COPS5: variants seen among roughly 807,000 people sequenced by gnomAD.
The protein encoded by COPS5 is COP9 signalosome complex subunit 5.
In COPS5, 8 loss-of-function variants were observed where a neutral mutation model predicts 44.4. That is an observed-to-expected ratio of 0.18 (90% CI 0.11 to 0.32). COPS5 has a LOEUF of 0.32. Among genes scored for constraint, COPS5 ranks in the 10% least tolerant of loss-of-function variants. COPS5 has a pLI of 1.00. For synonymous variants in COPS5, 122 were observed against 142.8 expected (o/e 0.85, Z 1.04); for missense variants, 159 against 406.4 (o/e 0.39, Z 5.23).
chr8:67,045,708 T>C, intron 7 of COPS5, 104 bp downstream of exon 7: 2 of 1,135,824 alleles, frequency 1.8e-6, no homozygotes, highest in African/African-American at 1.5e-5. Context: ...CCATTCTAAG[T>C]TGTAACTAAC....
chr8:67,059,504 G>T, intron 1 of COPS5, 59 bp from the exon 2 acceptor site: 1 of 1,281,836 alleles, frequency 7.8e-7, no homozygotes, highest in Non-Finnish European at 1.1e-6. Flanking sequence ...TTTCAGAAAA[G>T]TTTTTATGAA....
intron 6 of COPS5, among the ~76,000 whole-genome samples, chr8:67,049,131 TC>T (rs1413169052): frequency 1.3e-5 from 2 of 152,204 alleles, no homozygotes. Flanking sequence ...GTGATTTACT[TC>T]AGTCTACATA....
intron 5 of COPS5, 68 bp downstream of exon 5, chr8:67,056,451 T>C: frequency 1.9e-6 from 1 of 522,812 alleles, no homozygotes; most frequent in South Asian, 2.0e-5. Flanking sequence ...CACTGTGGCT[T>C]CCCAAAGTGC....
At chr8:67,060,495 A>G in intron 1 of COPS5, 1 of 1,289,622 alleles carries the variant, frequency 7.8e-7, no homozygotes, top group Non-Finnish European at 1.0e-6. Flanking sequence ...AAATGTGTAG[A>G]CCTCATGTTG....
At chr8:67,053,968 T>G (rs896214107) in intron 5 of COPS5, among the ~76,000 whole-genome samples, 1 of 147,636 alleles carries the variant, frequency 6.8e-6, no homozygotes, top group African/African-American at 2.5e-5. Flanking sequence ...ATCACACCAC[T>G]GCACTCCAGC....
At chr8:67,060,292 A>G (rs1585717509) in intron 1 of COPS5, 1 of 1,125,500 alleles carries the variant, frequency 8.9e-7, no homozygotes, top group East Asian at 6.3e-5. Flanking sequence ...GCAGGCCAAC[A>G]GTTTCCAAAT....
intron 5 of COPS5, among the ~76,000 whole-genome samples, chr8:67,052,820 T>TAA (rs750238033): frequency 2.6e-5 from 3 of 114,086 alleles, no homozygotes; most frequent in African/African-American, 3.3e-5. Flanking sequence ...GACTCTGTCT[T>TAA]AAAAAAAAAA....
intron 6 of COPS5, among the ~76,000 whole-genome samples, chr8:67,049,097 C>T (rs909514542): frequency 6.6e-6 from 1 of 152,148 alleles, no homozygotes; most frequent in Non-Finnish European, 1.5e-5. Context: ...CAATGAGCAG[C>T]TTCATGTTGA....
intron 5 of COPS5, 42 bp downstream of exon 5, chr8:67,056,477 G>A (rs200261585): frequency 2.8e-6 from 2 of 715,074 alleles, no homozygotes; most frequent in Non-Finnish European, 2.4e-6. Context: ...TTATAGGTGT[G>A]AGTCACCGTG....
At chr8:67,056,369 A>AT (rs1804501863) in intron 5 of COPS5, 150 bp downstream of exon 5, 2 of 273,266 alleles carry the variant, frequency 7.3e-6, no homozygotes, top group Non-Finnish European at 1.4e-5. Flanking sequence ...CTTTTATAAC[A>AT]TTTTTTGTAG....
intron 1 of COPS5, chr8:67,061,597 A>T: frequency 2.0e-6 from 1 of 503,082 alleles, no homozygotes; most frequent in Non-Finnish European, 3.6e-6. Context: ...GACAATACGG[A>T]TGTTCAGAAG....
At chr8:67,052,455 T>A (rs1170380996) in intron 5 of COPS5, among the ~76,000 whole-genome samples, 1 of 149,958 alleles carries the variant, frequency 6.7e-6, no homozygotes, top group Non-Finnish European at 1.5e-5. Context: ...TCTTGCTTGG[T>A]CACCCAGGCT....
intron 5 of COPS5, among the ~76,000 whole-genome samples, chr8:67,055,970 A>G (rs896835510): frequency 3.3e-5 from 5 of 152,120 alleles, no homozygotes; most frequent in African/African-American, 7.2e-5. Flanking sequence ...CAAATCTTTC[A>G]AAGATTAGAA....
At chr8:67,050,052 G>A (rs574033129) in intron 6 of COPS5, among the ~76,000 whole-genome samples, 1 of 148,762 alleles carries the variant, frequency 6.7e-6, no homozygotes, top group African/African-American at 2.5e-5. Context: ...CTAGGCTGGA[G>A]TGCAGTAGCG....
chr8:67,059,010 A>G (rs1804549741), intron 2 of COPS5, among the ~76,000 whole-genome samples: 1 of 151,884 alleles, frequency 6.6e-6, no homozygotes, highest in Admixed American at 6.6e-5. Flanking sequence ...TCTCGAAAAA[A>G]AAAAAACAAC....
At chr8:67,052,295 A>G (rs1192202515) in intron 5 of COPS5, among the ~76,000 whole-genome samples, 1 of 152,162 alleles carries the variant, frequency 6.6e-6, no homozygotes, top group Non-Finnish European at 1.5e-5. Flanking sequence ...AAGGAAAGAC[A>G]TGTAAGAGAT....
At chr8:67,052,417 G>T (rs1804430294) in intron 5 of COPS5, among the ~76,000 whole-genome samples, 1 of 149,940 alleles carries the variant, frequency 6.7e-6, no homozygotes, top group Non-Finnish European at 1.5e-5. Flanking sequence ...AAAAGGTTAA[G>T]AATTTTTTTT....
chr8:67,050,767 GA>G (rs5892075), intron 6 of COPS5, among the ~76,000 whole-genome samples: 19,790 of 133,620 alleles, frequency 0.15, 2,589 homozygotes, highest in African/African-American at 0.37. Context: ...CTAAGAGAAA[GA>G]AAAAAAAAAA....
rs1229499693 is a variant in COPS5 at position 67,056,666 on chromosome 8, T to G, written c.574-62A>C. On this transcript the variant is annotated intron_variant, in intron 4 of 7. Coordinates refer to ENST00000357849, the MANE Select transcript of COPS5 (RefSeq NM_006837.3). Reference sequence around the variant, plus strand: ...AAAAAAAAAAAAATATATATATATATATATATATATATATATATATATATA... The same window carrying G: ...AAAAAAAAAAAAATATATATATATAGATATATATATATATATATATATATA... 13 of 2,050 alleles carry G rather than the reference T, an allele frequency of 6.3e-3. 3 individuals carry two copies. Among genetic ancestry groups the G allele is most frequent in the African/African-American group, 0.024 (10 of 420 alleles). The allele number at this position is 2,050 out of a possible 1,614,324, so 0.1% of individuals were successfully genotyped here. A position where few individuals can be genotyped will look rare whatever the true frequency, so the allele number is the denominator to read the frequency against.
Sources: gnomAD v4.1 joint callset for allele counts (sites outside exome capture counted in the v4.1 genomes callset) on GRCh38, gnomAD v4.1.1 for gene constraint, MANE v1.5 for transcripts, NCBI Gene and HGNC (gene_info 2026-07-23, HGNC 2026-07-21) for gene names.